Variants in TENM2 observed in about 807,000 individuals in gnomAD.
TENM2 encodes teneurin-2.
In TENM2, 52 loss-of-function variants were observed where a neutral mutation model predicts 245.2. That is an observed-to-expected ratio of 0.21 (90% CI 0.17 to 0.27). The LOEUF (loss-of-function observed/expected upper bound fraction) is 0.27. TENM2 is among the 10% of genes least tolerant of loss of function. TENM2 has a pLI of 1.00. For synonymous variants in TENM2, 1,363 were observed against 1,438.9 expected, an observed-to-expected ratio of 0.95 and a Z score of 1.19; for missense variants, 3,046 against 3,666.8, an observed-to-expected ratio of 0.83 and a Z score of 4.37.
At chr5:167,524,990 A>G (rs149797649) in intron 2 of TENM2, among the ~76,000 whole-genome samples, 108 of 152,060 alleles carry the variant, frequency 7.1e-4, no homozygotes, top group Non-Finnish European at 1.3e-3. Context: ...GGGAAACACA[A>G]TATTTTGGTA....
At chr5:168,160,331 G>C (rs1184082987) in intron 12 of TENM2, among the ~76,000 whole-genome samples, 3 of 152,210 alleles carry the variant, frequency 2.0e-5, no homozygotes, top group Non-Finnish European at 4.4e-5. Context: ...AAGTGAACAG[G>C]GGTTTTCCAG....
chr5:167,075,147 C>A, the TENM2 span, among the ~76,000 whole-genome samples: 1 of 152,100 alleles, frequency 6.6e-6, no homozygotes, highest in East Asian at 1.9e-4. Flanking sequence ...ATATCCTATG[C>A]TAACCCATCT....
At position 168,253,027 on chromosome 5, in the gene TENM2, C is replaced by T. The variant is rs1002890864; in HGVS notation, c.7432+4656C>T. Reference sequence around the variant, plus strand: ...TGTCGCCCAGGCTGGAGTGCAGTGGCATGATCTTGGCTCACTGCAACCTCT... The same window carrying T: ...TGTCGCCCAGGCTGGAGTGCAGTGGTATGATCTTGGCTCACTGCAACCTCT... On this transcript the variant is annotated intron_variant, in intron 27 of 28. Transcript: ENST00000518659. Among the ~76,000 whole-genome samples the T allele has an allele frequency of 3.3e-5, 5 of 149,504 alleles. No homozygotes were observed. The East Asian group carries it at 8.2e-4, about 25-fold the overall frequency.
the TENM2 span, among the ~76,000 whole-genome samples, chr5:167,259,185 A>C: frequency 6.6e-6 from 1 of 152,152 alleles, no homozygotes; most frequent in East Asian, 1.9e-4. Flanking sequence ...TAAAAAATGT[A>C]CGTGTCAACA....
intron 2 of TENM2, among the ~76,000 whole-genome samples, chr5:167,714,768 A>G (rs895008623): frequency 4.6e-5 from 7 of 152,170 alleles, no homozygotes; most frequent in Non-Finnish European, 1.0e-4. Flanking sequence ...TCTTTTGCTT[A>G]TCACTCCAAC....
chr5:167,886,643 A>G (rs1164253140), intron 3 of TENM2, among the ~76,000 whole-genome samples: 2 of 152,228 alleles, frequency 1.3e-5, no homozygotes, highest in Non-Finnish European at 2.9e-5. Context: ...GAAGGAAGAA[A>G]TTGGCGGTGA....
intron 2 of TENM2, among the ~76,000 whole-genome samples, chr5:167,401,655 A>G (rs578190017): frequency 1.3e-5 from 2 of 152,292 alleles, no homozygotes; most frequent in East Asian, 3.9e-4. Flanking sequence ...TTGATGATAA[A>G]TAGGCTTCAG....
rs1188763489 is a variant in TENM2 at position 167,467,877 on chromosome 5, T to A, written c.502+92404T>A. On this transcript the variant is annotated intron_variant, in intron 2 of 28. Transcript: ENST00000518659. ...ATATTTGTGGATATTTCTGGAGAAA[T>A]GTTCGCTAGCACCTTGATCAGAAGT... 2.0e-5 allele frequency among the ~76,000 whole-genome samples: 3 copies of A among 152,280 alleles called. No individual in the cohort carries two copies. In the South Asian group the frequency reaches 6.2e-4, roughly 32 times the overall value.
chr5:167,210,755 G>A, the TENM2 span, among the ~76,000 whole-genome samples: 9 of 152,222 alleles, frequency 5.9e-5, no homozygotes, highest in South Asian at 1.4e-3. Context: ...GAGCCACCGC[G>A]CCCGGCCTTC....
the TENM2 span, among the ~76,000 whole-genome samples, chr5:167,145,102 T>C: frequency 1.4e-4 from 21 of 152,182 alleles, no homozygotes; most frequent in Non-Finnish European, 2.1e-4. Context: ...CTAAGTACCC[T>C]TGTGATACTG....
chr5:168,025,958 T>C (rs1242809196), intron 5 of TENM2, among the ~76,000 whole-genome samples: 1 of 152,196 alleles, frequency 6.6e-6, no homozygotes, highest in Non-Finnish European at 1.5e-5. Flanking sequence ...TCTCCCTGGC[T>C]ATGAAGGGGG....
intron 27 of TENM2, among the ~76,000 whole-genome samples, chr5:168,258,679 A>G (rs1424142793): frequency 6.6e-6 from 1 of 152,202 alleles, no homozygotes; most frequent in African/African-American, 2.4e-5. Flanking sequence ...TCAAATGTCC[A>G]AAACAGGTAA....
chr5:167,440,464 GTTA>G (rs1296767568), intron 2 of TENM2, among the ~76,000 whole-genome samples: 1 of 152,108 alleles, frequency 6.6e-6, no homozygotes, highest in Non-Finnish European at 1.5e-5. Context: ...TGTCACATTG[GTTA>G]TTAATATAGG....
intron 2 of TENM2, among the ~76,000 whole-genome samples, chr5:167,634,346 T>A (rs186252624): frequency 3.9e-5 from 6 of 152,232 alleles, no homozygotes; most frequent in African/African-American, 9.6e-5. Context: ...TAGAGAAGAG[T>A]TCTAGAAAGT....
intron 1 of TENM2, among the ~76,000 whole-genome samples, chr5:167,350,767 T>TATATATATGGGATATATACATATGG (rs1758826531): frequency 4.9e-5 from 7 of 143,066 alleles, no homozygotes; most frequent in African/African-American, 1.8e-4. Flanking sequence ...CATATGGATA[T>TATATATATGGGATATATACATATGG]ATATATATGG....
At chr5:167,708,571 A>C (rs2150473739) in intron 2 of TENM2, among the ~76,000 whole-genome samples, 1 of 152,220 alleles carries the variant, frequency 6.6e-6, no homozygotes, top group South Asian at 2.1e-4. Flanking sequence ...TGTGAGTCCC[A>C]GTTCTATTTC....
intron 2 of TENM2, among the ~76,000 whole-genome samples, chr5:167,400,018 T>C (rs1377190547): frequency 6.6e-6 from 1 of 152,110 alleles, no homozygotes; most frequent in Non-Finnish European, 1.5e-5. Context: ...TACTAGAAAG[T>C]TAATCCTGAG....
chr5:168,042,890 C>G (rs1029331462), intron 5 of TENM2, among the ~76,000 whole-genome samples: 1 of 152,182 alleles, frequency 6.6e-6, no homozygotes, highest in African/African-American at 2.4e-5. Flanking sequence ...CCAGCTGCCA[C>G]CTGGATTTCA....
intron 2 of TENM2, among the ~76,000 whole-genome samples, chr5:167,853,667 C>T (rs1486305377): frequency 1.3e-5 from 2 of 152,198 alleles, no homozygotes; most frequent in African/African-American, 2.4e-5. Flanking sequence ...CTTAATATGG[C>T]ATGCCTTTCT....
Sources: allele counts gnomAD v4.1 joint callset (sites outside exome capture counted in the v4.1 genomes callset), GRCh38; gene constraint gnomAD v4.1.1; transcripts MANE v1.5; gene names NCBI Gene and HGNC (gene_info 2026-07-23, HGNC 2026-07-21).